Variants in MTHFD1L observed in about 807,000 individuals in gnomAD.
MTHFD1L encodes the protein monofunctional C1-tetrahydrofolate synthase, mitochondrial.
A neutral mutation model predicts 119.5 loss-of-function variants in MTHFD1L; 81 were observed. The observed-to-expected ratio is 0.68, with a 90% CI of 0.57 to 0.82. The LOEUF (loss-of-function observed/expected upper bound fraction) is 0.82. MTHFD1L is among the 40% of genes least tolerant of loss of function. The pLI is 0.00. For missense variants in MTHFD1L, 1,125 were observed against 1,253.4 expected (o/e 0.90, Z 1.55); for synonymous variants, 430 against 475.2 (o/e 0.90, Z 1.24).
At chr6:150,929,511 A>G (rs1207328083) in intron 11 of MTHFD1L, among the ~76,000 whole-genome samples, 2 of 152,182 alleles carry the variant, frequency 1.3e-5, no homozygotes, top group East Asian at 3.9e-4. Context: ...TTGGAACACA[A>G]AACTGATACT....
At chr6:151,045,282 G>A (rs536770274) in intron 26 of MTHFD1L, among the ~76,000 whole-genome samples, 87 of 152,238 alleles carry the variant, frequency 5.7e-4, no homozygotes, top group African/African-American at 2.0e-3. Flanking sequence ...AGATGTGTAA[G>A]CAGTAATGTA....
At chr6:150,917,558 C>T (rs955541894) in intron 8 of MTHFD1L, among the ~76,000 whole-genome samples, 5 of 152,078 alleles carry the variant, frequency 3.3e-5, no homozygotes, top group African/African-American at 1.2e-4. Context: ...AAAAAAAAAT[C>T]TAAAGGTTAG....
chr6:151,037,750 G>A (rs546734901), intron 26 of MTHFD1L, among the ~76,000 whole-genome samples: 1 of 152,234 alleles, frequency 6.6e-6, no homozygotes, highest in South Asian at 2.1e-4. Flanking sequence ...CATGAAGATG[G>A]GCTTCATTTG....
intron 24 of MTHFD1L, among the ~76,000 whole-genome samples, chr6:151,017,789 C>T (rs995363581): frequency 1.3e-5 from 2 of 149,912 alleles, no homozygotes; most frequent in East Asian, 4.0e-4. Flanking sequence ...GTGTTTATGG[C>T]ATATGGCATA....
intron 20 of MTHFD1L, among the ~76,000 whole-genome samples, chr6:150,980,991 C>A (rs1020498245): frequency 6.6e-6 from 1 of 151,974 alleles, no homozygotes; most frequent in African/African-American, 2.4e-5. Context: ...AGAGAAATAC[C>A]TAACATGTCC....
At chr6:150,992,436 G>A (rs546126602) in intron 20 of MTHFD1L, among the ~76,000 whole-genome samples, 2 of 152,332 alleles carry the variant, frequency 1.3e-5, no homozygotes, top group East Asian at 1.9e-4. Context: ...ATGACCATGG[G>A]AAGAAGTAGA....
chr6:150,896,943 TA>T (rs59564631), intron 7 of MTHFD1L, among the ~76,000 whole-genome samples: 25,459 of 146,260 alleles, frequency 0.17, 2,130 homozygotes, highest in South Asian at 0.21. Flanking sequence ...CTGTCTCTAC[TA>T]AAAAAAAAAA....
chr6:150,867,087 T>G (rs1322510929), intron 1 of MTHFD1L, among the ~76,000 whole-genome samples: 1 of 152,126 alleles, frequency 6.6e-6, no homozygotes, highest in Non-Finnish European at 1.5e-5. Context: ...TCTCCCATTT[T>G]CCTCCCCACT....
chr6:151,085,319 A>C (rs1793694139), intron 26 of MTHFD1L, among the ~76,000 whole-genome samples: 2 of 152,204 alleles, frequency 1.3e-5, no homozygotes, highest in African/African-American at 2.4e-5. Flanking sequence ...ATTCAAGGCC[A>C]CTGAAATAAT....
chr6:150,877,698 C>CTT lies in MTHFD1L; in HGVS notation c.363+17_363+18dup. ...TTGGCTGAGGAGGTGAGGACTGCTG[C>CTT]TTTTAAAAAATTCACTATAACTTTT... On this transcript the variant is annotated intron_variant, in intron 3 of 27. Coordinates refer to ENST00000367321, the MANE Select transcript of MTHFD1L (RefSeq NM_015440.5). The CTT allele has an allele frequency of 6.2e-7, 1 of 1,614,180 alleles. No individual in the cohort carries two copies. The highest frequency in any genetic ancestry group is 8.5e-7 in the Non-Finnish European group (1 of 1,180,028).
intron 18 of MTHFD1L, 104 bp downstream of exon 18, chr6:150,960,519 T>C (rs990756151): frequency 7.7e-6 from 11 of 1,425,464 alleles, no homozygotes; most frequent in Non-Finnish European, 9.3e-6. Flanking sequence ...GTAATGAGGA[T>C]ACAGAAAAAG....
In MTHFD1L at chr6:150,896,540, T is replaced by C. The variant is rs975814246; in HGVS notation, c.780+8559T>C. On this transcript the variant is annotated intron_variant, in intron 7 of 27. Coordinates refer to ENST00000367321, the MANE Select transcript of MTHFD1L (RefSeq NM_015440.5). ...TGTACTTAGCGAGTGGCTGAGGTCA[T>C]CAGTAGCCCAGGTCATCAGTAGTGT... Among the ~76,000 whole-genome samples, 27 of 152,268 alleles carry C rather than the reference T, an allele frequency of 1.8e-4. 1 individual carries two copies. Among genetic ancestry groups the C allele is most frequent in the Admixed American group, 1.2e-3 (19 of 15,298 alleles).
chr6:150,882,466 T>C (rs1013475615), intron 4 of MTHFD1L, among the ~76,000 whole-genome samples: 1 of 152,220 alleles, frequency 6.6e-6, no homozygotes, highest in Non-Finnish European at 1.5e-5. Flanking sequence ...GCTGTTGAGC[T>C]TTGGTTTTGT....
chr6:150,947,317 A>G (rs758312000), intron 15 of MTHFD1L, among the ~76,000 whole-genome samples: 1 of 151,014 alleles, frequency 6.6e-6, no homozygotes, highest in Non-Finnish European at 1.5e-5. Flanking sequence ...CTGGTCTCGA[A>G]CTCCTGACCT....
chr6:150,896,138 GCT>G, intron 7 of MTHFD1L, among the ~76,000 whole-genome samples: 1 of 152,254 alleles, frequency 6.6e-6, no homozygotes. Flanking sequence ...TCCCATGTCA[GCT>G]CTTATTCCAG....
At chr6:150,910,143 T>G (rs1175584224) in intron 8 of MTHFD1L, among the ~76,000 whole-genome samples, 1 of 150,534 alleles carries the variant, frequency 6.6e-6, no homozygotes. Flanking sequence ...ATCACGCCAT[T>G]GCACTCCAGC....
intron 13 of MTHFD1L, among the ~76,000 whole-genome samples, chr6:150,939,586 G>T (rs773803949): frequency 5.3e-5 from 8 of 151,480 alleles, no homozygotes; most frequent in Non-Finnish European, 7.4e-5. Flanking sequence ...TCACCCTCCA[G>T]CACAGCACAG....
intron 20 of MTHFD1L, among the ~76,000 whole-genome samples, chr6:151,008,244 T>C (rs1781673991): frequency 6.6e-6 from 1 of 152,368 alleles, no homozygotes; most frequent in East Asian, 1.9e-4. Flanking sequence ...TTTTGAAAGT[T>C]TGTAGCACAG....
At chr6:151,049,835 T>C (rs1788739293) in intron 26 of MTHFD1L, among the ~76,000 whole-genome samples, 1 of 152,152 alleles carries the variant, frequency 6.6e-6, no homozygotes, top group African/African-American at 2.4e-5. Context: ...TACAGCCTTT[T>C]GTTATAATGT....
Sources: gnomAD v4.1 joint callset for allele counts (sites outside exome capture counted in the v4.1 genomes callset) on GRCh38, gnomAD v4.1.1 for gene constraint, MANE v1.5 for transcripts, NCBI Gene and HGNC (gene_info 2026-07-23, HGNC 2026-07-21) for gene names.